Variants in SH3RF1 observed in about 807,000 individuals in gnomAD.
The protein encoded by SH3RF1 is E3 ubiquitin-protein ligase SH3RF1.
SH3RF1 carries 32 observed loss-of-function variants against 74.0 expected under a neutral mutation model. The observed-to-expected ratio is 0.43, with a 90% CI of 0.33 to 0.58. The LOEUF (loss-of-function observed/expected upper bound fraction) is 0.58, where lower values mean the gene tolerates loss of function less well. SH3RF1 is among the 20% of genes least tolerant of loss of function. The pLI, the probability that SH3RF1 is intolerant of heterozygous loss-of-function variation, is 0.05. For synonymous variants in SH3RF1, 396 were observed against 439.6 expected, an observed-to-expected ratio of 0.90 and a Z score of 1.24; for missense variants, 954 against 1,130.9, an observed-to-expected ratio of 0.84 and a Z score of 2.24.
intron 10 of SH3RF1, among the ~76,000 whole-genome samples, chr4:169,110,643 G>A (rs1194419226): frequency 6.6e-6 from 1 of 152,088 alleles, no homozygotes; most frequent in Non-Finnish European, 1.5e-5. Flanking sequence ...CAATAGGAAA[G>A]GTCCTAAAAC....
intron 11 of SH3RF1, among the ~76,000 whole-genome samples, chr4:169,106,493 A>T (rs867800285): frequency 1.8e-4 from 17 of 94,188 alleles, no homozygotes; most frequent in Admixed American, 1.2e-3. Flanking sequence ...CAAAAAATTA[A>T]AAAAAAAAAA....
At chr4:169,127,351 G>A (rs1046235812) in intron 6 of SH3RF1, among the ~76,000 whole-genome samples, 1 of 152,122 alleles carries the variant, frequency 6.6e-6, no homozygotes, top group African/African-American at 2.4e-5. Context: ...ACCATGAAAA[G>A]CCTGCCTTCT....
chr4:169,104,335 A>G (rs960891585), intron 11 of SH3RF1, among the ~76,000 whole-genome samples: 2 of 152,222 alleles, frequency 1.3e-5, no homozygotes. Flanking sequence ...AAGAGAAAGC[A>G]AACAAGTAAC....
chr4:169,251,725 T>G (rs1055521820), intron 2 of SH3RF1, among the ~76,000 whole-genome samples: 1 of 152,182 alleles, frequency 6.6e-6, no homozygotes, highest in Non-Finnish European at 1.5e-5. Flanking sequence ...CTATAAGGAA[T>G]GCATCAGTGA....
intron 3 of SH3RF1, 27 bp downstream of exon 3, chr4:169,156,376 AC>A: frequency 6.5e-7 from 1 of 1,528,610 alleles, no homozygotes; most frequent in Non-Finnish European, 8.8e-7. Context: ...GAGCTGGCAA[AC>A]AGAAAACAAG....
chr4:169,141,731 C>T lies in SH3RF1; in HGVS notation c.766-5111G>A, dbSNP rs186659562. ...CAGCTCAGTGCAACCTCTGCCTCCC[C>T]GATTCAAGTGATTCTCCTGCCTCAG... On this transcript the variant is annotated intron_variant, in intron 4 of 11. Coordinates refer to ENST00000284637, the MANE Select transcript of SH3RF1 (RefSeq NM_020870.4). Among the ~76,000 whole-genome samples, 660 of 150,978 alleles carry T rather than the reference C, an allele frequency of 4.4e-3. 6 individuals carry two copies. Among genetic ancestry groups the T allele is most frequent in the African/African-American group, 0.015 (629 of 41,128 alleles).
At chr4:169,119,280 T>A (rs1410653024) in intron 8 of SH3RF1, among the ~76,000 whole-genome samples, 2 of 129,574 alleles carry the variant, frequency 1.5e-5, no homozygotes, top group African/African-American at 6.2e-5. Context: ...ATTTTTGTAT[T>A]TTTTTTTTTT....
At chr4:169,143,295 C>T (rs756567971) in intron 4 of SH3RF1, among the ~76,000 whole-genome samples, 68 of 152,186 alleles carry the variant, frequency 4.5e-4, no homozygotes, top group Non-Finnish European at 4.6e-4. Context: ...ACTATGATCA[C>T]TTCAACATGT....
intron 2 of SH3RF1, among the ~76,000 whole-genome samples, chr4:169,178,942 CAAATG>C (rs1734466275): frequency 6.6e-6 from 1 of 152,152 alleles, no homozygotes; most frequent in Admixed American, 6.5e-5. Context: ...AAACTCCTGC[CAAATG>C]CTGGAAGTCC....
intron 2 of SH3RF1, among the ~76,000 whole-genome samples, chr4:169,176,766 C>G (rs1227107812): frequency 6.6e-6 from 1 of 152,184 alleles, no homozygotes; most frequent in African/African-American, 2.4e-5. Context: ...GTCTCGAACT[C>G]CCTGCCTCAG....
intron 4 of SH3RF1, among the ~76,000 whole-genome samples, chr4:169,140,897 C>T (rs930026752): frequency 3.3e-5 from 5 of 152,062 alleles, no homozygotes; most frequent in African/African-American, 9.7e-5. Flanking sequence ...CTTGTCCAAC[C>T]CACGGTCCTC....
chr4:169,151,677 T>A (rs1197697653), intron 4 of SH3RF1, among the ~76,000 whole-genome samples: 1 of 152,200 alleles, frequency 6.6e-6, no homozygotes, highest in Non-Finnish European at 1.5e-5. Context: ...TAGTTGTCTA[T>A]GAGGCCACTC....
chr4:169,162,852 C>G (rs1350613743), intron 2 of SH3RF1, among the ~76,000 whole-genome samples: 1 of 152,146 alleles, frequency 6.6e-6, no homozygotes, highest in Non-Finnish European at 1.5e-5. Flanking sequence ...CAAGGCCAGC[C>G]TTTGGGCTTT....
intron 2 of SH3RF1, among the ~76,000 whole-genome samples, chr4:169,267,836 T>C (rs372821620): frequency 1.3e-5 from 2 of 152,152 alleles, no homozygotes; most frequent in African/African-American, 4.8e-5. Context: ...TGAAGACATT[T>C]GAAAAAAATA....
At chr4:169,135,421 T>C (rs1733684100) in intron 5 of SH3RF1, among the ~76,000 whole-genome samples, 1 of 152,126 alleles carries the variant, frequency 6.6e-6, no homozygotes, top group Admixed American at 6.5e-5. Flanking sequence ...ATTTTCAAGA[T>C]GAAACATGAG....
intron 2 of SH3RF1, among the ~76,000 whole-genome samples, chr4:169,208,743 CTCTGCCTCCT>C (rs1372050155): frequency 6.6e-6 from 1 of 152,114 alleles, no homozygotes; most frequent in Non-Finnish European, 1.5e-5. Context: ...TGCCTTATCT[CTCTGCCTCCT>C]TCATTCAGGT....
intron 2 of SH3RF1, among the ~76,000 whole-genome samples, chr4:169,185,328 T>G (rs1471384634): frequency 6.6e-6 from 1 of 152,072 alleles, no homozygotes; most frequent in Non-Finnish European, 1.5e-5. Context: ...GCTACAAGCC[T>G]CACACAATTG....
At chr4:169,127,511 C>A (rs1733548058) in intron 6 of SH3RF1, among the ~76,000 whole-genome samples, 1 of 152,178 alleles carries the variant, frequency 6.6e-6, no homozygotes, top group African/African-American at 2.4e-5. Flanking sequence ...CATATTAAAT[C>A]TAAAACATTT....
chr4:169,162,766 C>T (rs1734170220), intron 2 of SH3RF1, among the ~76,000 whole-genome samples: 1 of 152,172 alleles, frequency 6.6e-6, no homozygotes, highest in South Asian at 2.1e-4. Flanking sequence ...CAGAAGTAGA[C>T]TCTGCAGCCA....
Sources: gnomAD v4.1 joint callset for allele counts (sites outside exome capture counted in the v4.1 genomes callset) on GRCh38, gnomAD v4.1.1 for gene constraint, MANE v1.5 for transcripts, NCBI Gene and HGNC (gene_info 2026-07-23, HGNC 2026-07-21) for gene names.